Variants in RBFOX1 observed in about 807,000 individuals in gnomAD.
RBFOX1 encodes RNA binding protein fox-1 homolog 1.
Under a neutral mutation model 57.7 loss-of-function variants are expected in RBFOX1, and 8 were observed. That is an observed-to-expected ratio of 0.14 (90% CI 0.08 to 0.25). RBFOX1 has a LOEUF of 0.25. RBFOX1 is among the 10% of genes least tolerant of loss of function. The pLI is 1.00. For synonymous variants in RBFOX1, 326 were observed against 222.4 expected (o/e 1.47, Z -4.15); for missense variants, 611 against 548.5 (o/e 1.11, Z -1.14).
chr16:7,087,742 G>C (rs1382101895), intron 4 of RBFOX1, among the ~76,000 whole-genome samples: 1 of 152,126 alleles, frequency 6.6e-6, no homozygotes, highest in Non-Finnish European at 1.5e-5. Flanking sequence ...ACAGGAAAAG[G>C]CAAGATTTTC....
At chr16:5,635,208 G>C (rs773364254) in intron 3 of RBFOX1, among the ~76,000 whole-genome samples, 21 of 152,118 alleles carry the variant, frequency 1.4e-4, no homozygotes, top group Admixed American at 2.6e-4. Flanking sequence ...TTGTATTGAT[G>C]GTCAGCCATC....
chr16:5,715,309 C>A (rs1270115602), intron 3 of RBFOX1, among the ~76,000 whole-genome samples: 1 of 152,074 alleles, frequency 6.6e-6, no homozygotes, highest in Non-Finnish European at 1.5e-5. Context: ...TGTGGGTGTC[C>A]ACTGGGCTCC....
chr16:6,506,701 A>G (rs1598447569), intron 2 of RBFOX1, among the ~76,000 whole-genome samples: 1 of 118,238 alleles, frequency 8.5e-6, no homozygotes, highest in African/African-American at 3.3e-5. Context: ...AGGCTGGAGT[A>G]CAGTGGCTTC....
intron 3 of RBFOX1, among the ~76,000 whole-genome samples, chr16:7,016,838 C>T (rs2093940546): frequency 6.6e-6 from 1 of 152,152 alleles, no homozygotes; most frequent in South Asian, 2.1e-4. Context: ...TTGGTTTCGG[C>T]CAGCACTTGC....
chr16:6,190,186 A>G (rs1278102922), intron 1 of RBFOX1, among the ~76,000 whole-genome samples: 1 of 152,188 alleles, frequency 6.6e-6, no homozygotes, highest in Non-Finnish European at 1.5e-5. Flanking sequence ...AATTCTGTAG[A>G]TGTTCAATAA....
At chr16:5,929,699 G>A (rs1399728592) in intron 4 of RBFOX1, among the ~76,000 whole-genome samples, 1 of 152,090 alleles carries the variant, frequency 6.6e-6, no homozygotes, top group East Asian at 1.9e-4. Context: ...GATCATCCCT[G>A]AGCATCTGTT....
chr16:7,145,309 A>G (rs983517486), intron 4 of RBFOX1, among the ~76,000 whole-genome samples: 2 of 152,054 alleles, frequency 1.3e-5, no homozygotes, highest in Non-Finnish European at 2.9e-5. Context: ...GGTACAAGAG[A>G]TTCTCCTGCC....
intron 2 of RBFOX1, among the ~76,000 whole-genome samples, chr16:6,360,269 C>G (rs1297492379): frequency 6.6e-6 from 1 of 151,694 alleles, no homozygotes; most frequent in Non-Finnish European, 1.5e-5. Context: ...GTGGACCTGC[C>G]TGGAGACCTG....
At chr16:5,475,585 A>G (rs62016434) in intron 2 of RBFOX1, among the ~76,000 whole-genome samples, 31,576 of 152,196 alleles carry the variant, frequency 0.21, 3,410 homozygotes, top group South Asian at 0.26. Flanking sequence ...AATAGGTAAT[A>G]TTTATGTGGA....
intron 1 of RBFOX1, among the ~76,000 whole-genome samples, chr16:6,061,918 C>T (rs1401750673): frequency 6.6e-6 from 1 of 152,292 alleles, no homozygotes; most frequent in East Asian, 1.9e-4. Context: ...AGACTGCCCC[C>T]ACTTTGGACT....
chr16:7,155,431 A>G (rs557755795), intron 4 of RBFOX1, among the ~76,000 whole-genome samples: 2 of 151,758 alleles, frequency 1.3e-5, no homozygotes, highest in South Asian at 2.1e-4. Context: ...TCTACATAAA[A>G]TGATAATAAT....
chr16:5,495,012 C>T (rs75617593), intron 2 of RBFOX1, among the ~76,000 whole-genome samples: 2,605 of 152,216 alleles, frequency 0.017, 24 homozygotes, highest in Middle Eastern at 0.037. Flanking sequence ...TGTATTAGTT[C>T]GTTCTCATAC....
At chr16:5,820,361 G>A (rs866869187) in intron 3 of RBFOX1, among the ~76,000 whole-genome samples, 1 of 152,168 alleles carries the variant, frequency 6.6e-6, no homozygotes, top group Admixed American at 6.5e-5. Flanking sequence ...TCCTGCAAGG[G>A]GGGAGGCAGG....
At chr16:7,599,388 C>CATGTAT (rs2094886993) in intron 9 of RBFOX1, among the ~76,000 whole-genome samples, 2 of 152,142 alleles carry the variant, frequency 1.3e-5, no homozygotes, top group Admixed American at 6.5e-5. Context: ...AAGCCATGTG[C>CATGTAT]ATGTATATTT....
chr16:5,291,303 C>T (rs994983945), intron 1 of RBFOX1, among the ~76,000 whole-genome samples: 1 of 138,184 alleles, frequency 7.2e-6, no homozygotes, highest in Non-Finnish European at 1.5e-5. Flanking sequence ...CACTCTGTCA[C>T]CCAGGCTGGA....
chr16:5,392,630 C>A (rs2066444783), intron 1 of RBFOX1, among the ~76,000 whole-genome samples: 1 of 151,846 alleles, frequency 6.6e-6, no homozygotes, highest in Non-Finnish European at 1.5e-5. Flanking sequence ...CGTCGACCTC[C>A]TGGGTTGAAG....
chr16:7,668,887 T>G (rs1307572900), intron 13 of RBFOX1, among the ~76,000 whole-genome samples: 1 of 152,118 alleles, frequency 6.6e-6, no homozygotes, highest in Non-Finnish European at 1.5e-5. Context: ...CTACAGAGTC[T>G]CTCATACTTG....
chr16:7,180,552 T>C (rs1383821355), intron 4 of RBFOX1, among the ~76,000 whole-genome samples: 1 of 152,190 alleles, frequency 6.6e-6, no homozygotes, highest in Non-Finnish European at 1.5e-5. Context: ...TATGGGCTGA[T>C]AAATGAGGTG....
chr16:6,110,930 A>AGTGTGGAGTAAAGGGAAAAGC (rs1414809216), intron 1 of RBFOX1, among the ~76,000 whole-genome samples: 1 of 152,200 alleles, frequency 6.6e-6, no homozygotes, highest in African/African-American at 2.4e-5. Flanking sequence ...GCAAAATGCT[A>AGTGTGGAGTAAAGGGAAAAGC]GTGTGGAGTA....
Sources: gnomAD v4.1 joint callset for allele counts (sites outside exome capture counted in the v4.1 genomes callset) on GRCh38, gnomAD v4.1.1 for gene constraint, MANE v1.5 for transcripts, NCBI Gene and HGNC (gene_info 2026-07-23, HGNC 2026-07-21) for gene names.